The following DNAH8 variants were observed in gnomAD, a reference collection of about 807,000 sequenced individuals.
DNAH8 encodes the protein axonemal beta dynein heavy chain 8.
In DNAH8, 382 loss-of-function variants were observed where a neutral mutation model predicts 562.1. The ratio of observed to expected loss-of-function variants is 0.68; its 90% CI spans 0.63 to 0.74. The LOEUF (loss-of-function observed/expected upper bound fraction) is 0.74, where lower values mean the gene tolerates loss of function less well. Among genes scored for constraint, DNAH8 ranks in the 30% least tolerant of loss-of-function variants. The pLI, the probability that DNAH8 is intolerant of heterozygous loss-of-function variation, is 0.00. For synonymous variants in DNAH8, 1,881 were observed against 1,919.4 expected, an observed-to-expected ratio of 0.98 and a Z score of 0.52; for missense variants, 5,203 against 5,620.4, an observed-to-expected ratio of 0.93 and a Z score of 2.37.
chr6:39,003,905 C>T (rs541969048), intron 88 of DNAH8, among the ~76,000 whole-genome samples: 7 of 152,148 alleles, frequency 4.6e-5, no homozygotes, highest in East Asian at 3.9e-4. Flanking sequence ...TGCTTTTTTA[C>T]GCCACTCTTT....
intron 2 of DNAH8, 42 bp downstream of exon 2, chr6:38,723,241 T>C (rs747140273): frequency 1.9e-6 from 3 of 1,579,234 alleles, no homozygotes; most frequent in African/African-American, 1.4e-5. Context: ...CACTTTTCCT[T>C]ATCAAATACG....
chr6:38,799,923 G>A (rs917535640), intron 21 of DNAH8, among the ~76,000 whole-genome samples: 2 of 152,062 alleles, frequency 1.3e-5, no homozygotes, highest in Non-Finnish European at 1.5e-5. Context: ...ATTCATAGTA[G>A]CCTATATATC....
intron 88 of DNAH8, among the ~76,000 whole-genome samples, chr6:38,998,715 T>A (rs1215679174): frequency 6.6e-6 from 1 of 152,194 alleles, no homozygotes; most frequent in Non-Finnish European, 1.5e-5. Flanking sequence ...ATTTCTATTA[T>A]CCATGACCCT....
chr6:38,853,809 G>A (rs937213760), intron 41 of DNAH8, among the ~76,000 whole-genome samples: 7 of 151,964 alleles, frequency 4.6e-5, no homozygotes, highest in Non-Finnish European at 7.4e-5. Context: ...CCTACAGTTA[G>A]GCAAAATCTT....
At chr6:38,998,987 T>C (rs1189305371) in intron 88 of DNAH8, among the ~76,000 whole-genome samples, 1 of 152,086 alleles carries the variant, frequency 6.6e-6, no homozygotes, top group Non-Finnish European at 1.5e-5. Flanking sequence ...TAAAATCACA[T>C]TGTGGAAAAA....
intron 82 of DNAH8, among the ~76,000 whole-genome samples, chr6:38,955,301 G>C (rs1762171136): frequency 1.3e-5 from 2 of 151,364 alleles, no homozygotes; most frequent in Admixed American, 1.3e-4. Flanking sequence ...GCATTATTCT[G>C]AAACAGTAAA....
intron 58 of DNAH8, among the ~76,000 whole-genome samples, chr6:38,892,955 A>C (rs1340616010): frequency 6.6e-6 from 1 of 152,028 alleles, no homozygotes; most frequent in Non-Finnish European, 1.5e-5. Context: ...AAGTGACTGC[A>C]CTTGTCCCTA....
intron 4 of DNAH8, among the ~76,000 whole-genome samples, chr6:38,732,640 A>T (rs1273297336): frequency 2.0e-5 from 3 of 152,178 alleles, no homozygotes; most frequent in Admixed American, 2.0e-4. Context: ...ATTTCAGGGC[A>T]GTTTCTTTAG....
chr6:38,984,472 A>G (rs1327964187), intron 87 of DNAH8, 165 bp downstream of exon 87: 8 of 148,922 alleles, frequency 5.4e-5, no homozygotes, highest in Admixed American at 8.8e-5. Flanking sequence ...ACACACATGC[A>G]CACACACACA....
At chr6:38,959,167 C>T (rs1184387621) in intron 82 of DNAH8, among the ~76,000 whole-genome samples, 1 of 152,170 alleles carries the variant, frequency 6.6e-6, no homozygotes, top group Non-Finnish European at 1.5e-5. Context: ...CCATAGCTAA[C>T]ATCATACTAA....
intron 89 of DNAH8, among the ~76,000 whole-genome samples, chr6:39,009,459 A>T (rs2150767218): frequency 6.6e-6 from 1 of 152,322 alleles, no homozygotes; most frequent in East Asian, 1.9e-4. Context: ...TGAATAGGGT[A>T]GAACAATTAG....
intron 11 of DNAH8, among the ~76,000 whole-genome samples, chr6:38,770,139 A>G (rs1767417240): frequency 6.6e-6 from 1 of 152,096 alleles, no homozygotes; most frequent in African/African-American, 2.4e-5. Flanking sequence ...GTCTTGATAG[A>G]TAATTTCTGG....
intron 22 of DNAH8, among the ~76,000 whole-genome samples, chr6:38,804,759 AAGAGAGAGAGAG>A (rs137967997): frequency 8.1e-5 from 9 of 111,068 alleles, no homozygotes; most frequent in African/African-American, 1.9e-4. Context: ...ACATAGCAAG[AAGAGAGAGAGAG>A]AGAGAGAGAG....
At chr6:38,999,724 A>G (rs921593179) in intron 88 of DNAH8, among the ~76,000 whole-genome samples, 2 of 151,836 alleles carry the variant, frequency 1.3e-5, no homozygotes, top group African/African-American at 2.4e-5. Flanking sequence ...AAAATATCCT[A>G]TGAAAACAAA....
chr6:38,967,629 TA>T (rs1393345116), intron 82 of DNAH8, among the ~76,000 whole-genome samples: 1 of 152,092 alleles, frequency 6.6e-6, no homozygotes, highest in Non-Finnish European at 1.5e-5. Flanking sequence ...AAAAATTAAA[TA>T]CCTAAATAAA....
chr6:38,739,673 G>C (rs574021479), intron 7 of DNAH8, among the ~76,000 whole-genome samples: 21 of 152,074 alleles, frequency 1.4e-4, no homozygotes, highest in Admixed American at 4.6e-4. Context: ...AAAAAACATA[G>C]ACCATTACCA....
chr6:38,921,330 C>T (rs1272037864), intron 70 of DNAH8, 39 bp from the exon 71 acceptor site: 1 of 1,595,930 alleles, frequency 6.3e-7, no homozygotes, highest in Non-Finnish European at 8.5e-7. Context: ...ATGACTGTTT[C>T]ATGCAGCTAA....
At chr6:38,989,065 G>C (rs926185814) in intron 87 of DNAH8, among the ~76,000 whole-genome samples, 3 of 152,226 alleles carry the variant, frequency 2.0e-5, no homozygotes, top group African/African-American at 7.2e-5. Context: ...ATAAAACAGA[G>C]AGAATCAGTA....
intron 74 of DNAH8, among the ~76,000 whole-genome samples, chr6:38,929,041 A>G (rs1050677846): frequency 1.3e-5 from 2 of 152,206 alleles, no homozygotes; most frequent in Admixed American, 1.3e-4. Flanking sequence ...GACAGAATAC[A>G]TGGATAGACC....
Sources: gnomAD v4.1 joint callset for allele counts (sites outside exome capture counted in the v4.1 genomes callset) on GRCh38, gnomAD v4.1.1 for gene constraint, MANE v1.5 for transcripts, NCBI Gene and HGNC (gene_info 2026-07-23, HGNC 2026-07-21) for gene names.